ZNF862: variants seen among roughly 807,000 people sequenced by gnomAD.
The protein encoded by ZNF862 is zinc finger protein 862.
In ZNF862, 64 loss-of-function variants were observed where a neutral mutation model predicts 91.1. The ratio of observed to expected loss-of-function variants is 0.70; its 90% confidence interval spans 0.57 to 0.87. The LOEUF (loss-of-function observed/expected upper bound fraction) is 0.87, where lower values mean the gene tolerates loss of function less well. Among genes scored for constraint, ZNF862 ranks in the 40% least tolerant of loss-of-function variants. The probability of loss-of-function intolerance (pLI) is 0.00; values close to 1 mark genes in which losing one functional copy is unlikely to be tolerated. For synonymous variants in ZNF862, 631 were observed against 618.1 expected (o/e 1.02, Z -0.31); for missense variants, 1,459 against 1,528.0 (o/e 0.95, Z 0.75).
In ZNF862 at chr7:149,850,034, C is replaced by A; in HGVS notation, c.940-127C>A. On this transcript the variant is annotated intron_variant, in intron 4 of 7. Transcript: ENST00000223210. The surrounding 1 kb of genome is among the most constrained non-coding windows in gnomAD (Gnocchi z 4.2). ...TTGACTTTCAGTGGATAAATTAATT[C>A]CTCTGAGTGCATCTGGGCCTCTTGG... 1 of 929,004 alleles carries A rather than the reference C, an allele frequency of 1.1e-6. No individual in the cohort carries two copies. The highest frequency in any genetic ancestry group is 1.6e-5 in the South Asian group (1 of 61,860). The allele number at this position is 929,004 out of a possible 1,614,324, so 57.5% of individuals were successfully genotyped here.
At chr7:149,860,179 A>G in intron 6 of ZNF862, 2 of 583,792 alleles carry the variant, frequency 3.4e-6, no homozygotes, top group Non-Finnish European at 5.9e-6. Flanking sequence ...AGGATTAGCA[A>G]CAACTCTGGG....
In ZNF862 at chr7:149,860,382, G is replaced by A; in HGVS notation, c.1223-1G>A. 6.2e-7 allele frequency: 1 copy of A among 1,603,728 alleles called. No individual in the cohort carries two copies. The highest frequency in any genetic ancestry group is 8.5e-7 in the Non-Finnish European group (1 of 1,174,718). ...CAAGCATGATTCAATTTTCTCCAAA[G>A]GGAACAAGAAGATGGTGGCAGTGAG... On this transcript the variant is annotated splice_acceptor_variant, in intron 6 of 7. Coordinates refer to ENST00000223210, the MANE Select transcript of ZNF862 (RefSeq NM_001099220.3). LOFTEE classifies it high-confidence loss of function.
Position 149,861,537 on chromosome 7 carries a change from A to C in ZNF862, c.2377A>C (p.Arg793=). The C allele has an allele frequency of 6.2e-7, 1 of 1,604,514 alleles. No homozygotes were observed. The highest frequency in any genetic ancestry group is 8.5e-7 in the Non-Finnish European group (1 of 1,176,504). The change falls in exon 7 of 8, where the codon AGG becomes CGG. Residue 793 remains arginine (R), a synonymous_variant. Transcript: ENST00000223210. The surrounding 1 kb of genome is among the most constrained non-coding windows in gnomAD (Gnocchi z 6.7). ...GAATGCGGTCCGCTGGGTGGCCAGC[A>C]GGAGGCGCACGCTGCACGCGCTGCT... is the stretch of plus-strand genomic sequence containing the variant. The part of the protein sequence containing the change: ...DLNAVRWVAS[R]RRTLHALLVS...
intron 1 of ZNF862, 112 bp downstream of exon 1, chr7:149,838,747 G>A: frequency 1.5e-6 from 1 of 689,346 alleles, no homozygotes; most frequent in Non-Finnish European, 2.0e-6. Context: ...CAGGCTTGCA[G>A]GGAAGGACTC....
At chr7:149,841,502 T>C in intron 1 of ZNF862, 1 of 982,968 alleles carries the variant, frequency 1.0e-6, no homozygotes, top group Non-Finnish European at 1.2e-6. Context: ...TTGACTTGAC[T>C]CTTACATCCC....
chr7:149,862,983 T>C (rs6464035), intron 7 of ZNF862, among the ~76,000 whole-genome samples: 82,845 of 152,002 alleles, frequency 0.55, 23,269 homozygotes, highest in Non-Finnish European at 0.63. Flanking sequence ...CTCTGGACCG[T>C]GCAGGAATTT....
intron 2 of ZNF862, among the ~76,000 whole-genome samples, chr7:149,845,344 T>G (rs1227351902): frequency 3.3e-5 from 5 of 152,272 alleles, no homozygotes; most frequent in African/African-American, 1.2e-4. Context: ...TCAACATGTG[T>G]GTACACATAT....
At chr7:149,842,054 G>T (rs1015141439) in intron 1 of ZNF862, among the ~76,000 whole-genome samples, 1 of 152,164 alleles carries the variant, frequency 6.6e-6, no homozygotes, top group Non-Finnish European at 1.5e-5. Context: ...GACTCCAGGG[G>T]GGATATAAAG....
rs1446256958 is a variant in ZNF862 at position 149,861,576 on chromosome 7, GC to G, written c.2419del (p.Leu807TrpfsTer23). ...GCACGCGCTGCTCGTGAGCTGGCCCGCCCTGGCCAGGCACCTCCAGAGGGTG... is the reference window on the plus strand; with the variant it reads ...GCACGCGCTGCTCGTGAGCTGGCCCGCCTGGCCAGGCACCTCCAGAGGGTG... ...TLHALLVSWP[A>X]LARHLQRVAE... On this transcript the variant is annotated frameshift_variant, in exon 7 of 8. Transcript: ENST00000223210. LOFTEE classifies it high-confidence loss of function. The surrounding 1 kb of genome is among the most constrained non-coding windows in gnomAD (Gnocchi z 6.7). 1 of 1,594,762 alleles carries G rather than the reference GC, an allele frequency of 6.3e-7. No individual in the cohort carries two copies. Among genetic ancestry groups the G allele is most frequent in the Non-Finnish European group, 8.5e-7 (1 of 1,172,824 alleles).
At chr7:149,844,580 T>C in intron 1 of ZNF862, 45 bp from the exon 2 acceptor site, 2 of 1,420,176 alleles carry the variant, frequency 1.4e-6, no homozygotes, top group Non-Finnish European at 1.9e-6. Context: ...GGAAGATAAA[T>C]CTAAGGAAGA....
intron 1 of ZNF862, among the ~76,000 whole-genome samples, chr7:149,840,284 T>C (rs967587157): frequency 6.6e-6 from 1 of 150,862 alleles, no homozygotes; most frequent in Non-Finnish European, 1.5e-5. Context: ...GATGGAATGG[T>C]TTGCTGGAAA....
rs1802224970 is a variant in ZNF862, at chr7:149,855,398, A to T, written c.1118-4024A>T. On this transcript the variant is annotated intron_variant, in intron 5 of 7. Coordinates refer to ENST00000223210, the MANE Select transcript of ZNF862 (RefSeq NM_001099220.3). This position sits in a 1 kb window ranked among gnomAD's most constrained non-coding sequence, Gnocchi z 4.1. ...CCTCCTCAACCTGCTGCGGCTGTAG[A>T]ATCTGGACCCATGCCATAGGAAGAA... is the stretch of plus-strand genomic sequence containing the variant. Among the ~76,000 whole-genome samples, 2 of 152,290 alleles carry T rather than the reference A, an allele frequency of 1.3e-5. No individual in the cohort carries two copies. Among genetic ancestry groups the T allele is most frequent in the East Asian group, 3.9e-4 (2 of 5,178 alleles).
In ZNF862 at chr7:149,838,488, G is replaced by C. The variant is rs1205892923; in HGVS notation, c.-124G>C. ...TGAGAGAGCGAAGTTCTTGGGCCGC[G>C]CTCCCTCCCTACCTGGGTGCCCTCC... On this transcript the variant is annotated 5_prime_UTR_variant, in exon 1 of 8. Coordinates refer to ENST00000223210, the MANE Select transcript of ZNF862 (RefSeq NM_001099220.3). 1 of 598,094 alleles carries C rather than the reference G, an allele frequency of 1.7e-6. No homozygotes were observed. The highest frequency in any genetic ancestry group is 2.4e-6 in the Non-Finnish European group (1 of 408,844). 37.0% of individuals were successfully genotyped at this position (598,094 alleles called of 1,614,324 possible).
In ZNF862 at chr7:149,855,153, G is replaced by A. The variant is rs1399413828; in HGVS notation, c.1118-4269G>A. Among the ~76,000 whole-genome samples, 2 of 152,228 alleles carry A rather than the reference G, an allele frequency of 1.3e-5. No individual in the cohort carries two copies. Among genetic ancestry groups the A allele is most frequent in the African/African-American group, 4.8e-5 (2 of 41,454 alleles). On this transcript the variant is annotated intron_variant, in intron 5 of 7. Transcript: ENST00000223210. This position sits in a 1 kb window ranked among gnomAD's most constrained non-coding sequence, Gnocchi z 4.1. ...GTTCAGAAAAATATTGTAGCTATAC[G>A]TATAGACCCAGCAGGAGAGCGTGCC... is the stretch of plus-strand genomic sequence containing the variant.
chr7:149,852,370 TGTGAGA>T (rs1478758844), intron 5 of ZNF862, among the ~76,000 whole-genome samples: 278 of 137,736 alleles, frequency 2.0e-3, no homozygotes, highest in South Asian at 8.3e-3. Flanking sequence ...TGTGTGTGTG[TGTGAGA>T]GAGAGAGAGA....
Position 149,857,378 on chromosome 7 carries a change from A to G in ZNF862, c.1118-2044A>G, listed in dbSNP as rs116977329. 1.5e-3 allele frequency among the ~76,000 whole-genome samples: 232 copies of G among 152,036 alleles called. 1 individual carries two copies. Among genetic ancestry groups the G allele is most frequent in the Middle Eastern group, 0.01 (3 of 294 alleles). ...ATTTCCTCCATTTTATTTTCTAACA[A>G]TGCTATTTTTTTTATTCTATTGGGT... On this transcript the variant is annotated intron_variant, in intron 5 of 7. Coordinates refer to ENST00000223210, the MANE Select transcript of ZNF862 (RefSeq NM_001099220.3).
chr7:149,859,393 A>G (rs377616341), intron 5 of ZNF862, 29 bp from the exon 6 acceptor site: 4 of 1,543,894 alleles, frequency 2.6e-6, no homozygotes, highest in Non-Finnish European at 3.5e-6. Flanking sequence ...CAGCAGTGAC[A>G]TCAGCATGAT....
At chr7:149,846,536 T>C (rs1202667054) in intron 3 of ZNF862, among the ~76,000 whole-genome samples, 2 of 152,248 alleles carry the variant, frequency 1.3e-5, no homozygotes, top group Non-Finnish European at 1.5e-5. Flanking sequence ...TTTACAACCA[T>C]ATTTCTAGTG....
intron 2 of ZNF862, among the ~76,000 whole-genome samples, chr7:149,845,391 C>G (rs1430118428): frequency 6.6e-6 from 1 of 152,162 alleles, no homozygotes; most frequent in African/African-American, 2.4e-5. Context: ...GACTGTCTAC[C>G]ATGCCTGTCT....
Sources: gnomAD v4.1 joint callset for allele counts (sites outside exome capture counted in the v4.1 genomes callset) on GRCh38, gnomAD v4.1.1 for gene constraint, Gnocchi (gnomAD v3.1) non-coding constraint, MANE v1.5 for transcripts, NCBI Gene and HGNC (gene_info 2026-07-23, HGNC 2026-07-21) for gene names.